IL10RA: variants seen among roughly 807,000 people sequenced by gnomAD.
IL10RA encodes the protein interleukin-10 receptor subunit alpha.
IL10RA carries 18 observed loss-of-function variants against 29.6 expected under a neutral mutation model. The observed-to-expected ratio is 0.61, with a 90% CI of 0.42 to 0.90. The LOEUF (loss-of-function observed/expected upper bound fraction) is 0.90, where lower values mean the gene tolerates loss of function less well. Among genes scored for constraint, IL10RA ranks in the 40% least tolerant of loss-of-function variants. The probability of loss-of-function intolerance (pLI) is 0.00; values close to 1 mark genes in which losing one functional copy is unlikely to be tolerated. For missense variants in IL10RA, 634 were observed against 716.6 expected (o/e 0.88, Z 1.32); for synonymous variants, 292 against 294.1 (o/e 0.99, Z 0.07).
At chr11:117,997,744 G>A (rs1409729009) in intron 6 of IL10RA, among the ~76,000 whole-genome samples, 7 of 152,234 alleles carry the variant, frequency 4.6e-5, no homozygotes, top group Middle Eastern at 3.4e-3. Context: ...GGTGAGAGAC[G>A]AAAACAAACA....
At position 118,000,018 on chromosome 11, in the gene IL10RA, C is replaced by T. The variant is rs1331644742; in HGVS notation, c.*377C>T. 1.1e-5 allele frequency: 5 copies of T among 469,948 alleles called. No homozygotes were observed. In the Admixed American group the frequency reaches 1.2e-4, roughly 11 times the overall value. 29.1% of individuals were successfully genotyped at this position (469,948 alleles called of 1,614,324 possible). ...TGTGGTGAGGCCACCAGGCTGAAGTCAGCTCAGACCCAGACCTCCCTGCTT... is the reference window on the plus strand; with the variant it reads ...TGTGGTGAGGCCACCAGGCTGAAGTTAGCTCAGACCCAGACCTCCCTGCTT... On this transcript the variant is annotated 3_prime_UTR_variant, in exon 7 of 7. Transcript: ENST00000227752.
In IL10RA at chr11:117,989,095, G is replaced by A. The variant is rs1293618228; in HGVS notation, c.189-347G>A. Among the ~76,000 whole-genome samples the A allele has an allele frequency of 6.6e-6, 1 of 152,230 alleles. No individual in the cohort carries two copies. Among genetic ancestry groups the A allele is most frequent in the Non-Finnish European group, 1.5e-5 (1 of 68,046 alleles). Reference sequence around the variant, plus strand: ...TTTCTATCTTACTGGAAAAGGAGAAGCATCCACAGTACAGCCAGACAACAG... The same window carrying A: ...TTTCTATCTTACTGGAAAAGGAGAAACATCCACAGTACAGCCAGACAACAG... On this transcript the variant is annotated intron_variant, in intron 2 of 6. Coordinates refer to ENST00000227752, the MANE Select transcript of IL10RA (RefSeq NM_001558.4). This position sits in a 1 kb window ranked among gnomAD's most constrained non-coding sequence, Gnocchi z 4.5.
chr11:117,988,586 C>T (rs907362730), intron 2 of IL10RA, 84 bp downstream of exon 2: 5 of 1,529,256 alleles, frequency 3.3e-6, no homozygotes, highest in African/African-American at 1.4e-5. Flanking sequence ...AGATACCTGC[C>T]TTGTTAATGA....
intron 1 of IL10RA, 36 bp from the exon 2 acceptor site, chr11:117,988,346 C>A: frequency 6.2e-7 from 1 of 1,613,648 alleles, no homozygotes. Flanking sequence ...TGCCTGCCCC[C>A]CCTCCCAGCT....
chr11:117,989,286 C>T lies in IL10RA; in HGVS notation c.189-156C>T. 1 of 742,684 alleles carries T rather than the reference C, an allele frequency of 1.3e-6. No individual in the cohort carries two copies. The highest frequency in any genetic ancestry group is 1.5e-5 in the South Asian group (1 of 68,574). 46.0% of individuals were successfully genotyped at this position (742,684 alleles called of 1,614,324 possible). On this transcript the variant is annotated intron_variant, in intron 2 of 6. Coordinates refer to ENST00000227752, the MANE Select transcript of IL10RA (RefSeq NM_001558.4). The surrounding 1 kb of genome is among the most constrained non-coding windows in gnomAD (Gnocchi z 4.5). ...GGGGTCCCAAGACCAAGGGAGACCC[C>T]TCACAATGAGCTGCCGTGGACTAGA...
At chr11:117,997,231 T>A (rs948981465) in intron 6 of IL10RA, among the ~76,000 whole-genome samples, 9 of 152,238 alleles carry the variant, frequency 5.9e-5, no homozygotes, top group African/African-American at 2.2e-4. Context: ...GTAATAATAC[T>A]TCTCTTACAG....
rs759939442 is a variant in IL10RA, at chr11:117,993,221, C to G, written c.368-20C>G. ...GCCCTCAAGTCTCATGGTATTCCCC[C>G]CCACCCCAACTCCATTTAGTGACTC... is the stretch of plus-strand genomic sequence containing the variant. On this transcript the variant is annotated intron_variant, in intron 3 of 6. Coordinates refer to ENST00000227752, the MANE Select transcript of IL10RA (RefSeq NM_001558.4). 2.9e-5 allele frequency: 46 copies of G among 1,612,604 alleles called. No homozygotes were observed. In the South Asian group the frequency reaches 4.5e-4, roughly 16 times the overall value.
chr11:117,996,160 A>G (rs1433711540), intron 6 of IL10RA, among the ~76,000 whole-genome samples: 1 of 152,182 alleles, frequency 6.6e-6, no homozygotes, highest in East Asian at 1.9e-4. Context: ...GCTATTAGCC[A>G]TGGGTGTTCC....
At chr11:117,994,881 A>G (rs2058046374) in intron 5 of IL10RA, 2 of 155,572 alleles carry the variant, frequency 1.3e-5, no homozygotes, top group Admixed American at 1.2e-4. Context: ...CAGTTTGTGA[A>G]GGACACTCAA....
intron 6 of IL10RA, 68 bp from the exon 7 acceptor site, chr11:117,998,647 C>A (rs917888760): frequency 2.8e-6 from 4 of 1,427,438 alleles, no homozygotes; most frequent in Non-Finnish European, 4.0e-6. Flanking sequence ...CCTGGCCTTC[C>A]CCGGCAGCAC....
chr11:117,996,423 T>G (rs1385590693), intron 6 of IL10RA, among the ~76,000 whole-genome samples: 1 of 152,220 alleles, frequency 6.6e-6, no homozygotes, highest in Non-Finnish European at 1.5e-5. Flanking sequence ...TTGCAAAGAT[T>G]GGGCAGCATT....
chr11:117,995,852 TTCA>T lies in IL10RA; in HGVS notation c.810+146_810+148del. On this transcript the variant is annotated intron_variant, in intron 6 of 6. Coordinates refer to ENST00000227752, the MANE Select transcript of IL10RA (RefSeq NM_001558.4). ...AGCCCTGATGTGATTGGGAGATACC[TTCA>T]TCAAGCGCTGTGGGGACAGAGGGAG... The T allele has an allele frequency of 3.4e-6, 3 of 886,674 alleles. No homozygotes were observed. In the Admixed American group the frequency reaches 6.0e-5, roughly 18 times the overall value. The allele number at this position is 886,674 out of a possible 1,614,324, so 54.9% of individuals were successfully genotyped here. A position where few individuals can be genotyped will look rare whatever the true frequency, so the allele number is the denominator to read the frequency against.
chr11:117,987,833 G>C, intron 1 of IL10RA: 1 of 190,840 alleles, frequency 5.2e-6, no homozygotes, highest in Admixed American at 5.4e-5. Flanking sequence ...CTGGCTATAG[G>C]CAAAGCCCTC....
At position 117,989,610 on chromosome 11, in the gene IL10RA, T is replaced by G. The variant is rs1227362297; in HGVS notation, c.357T>G (p.Ser119=). ...GGACCGTCACCAACACCCGCTTCTCTGTGGATGAAGGTGCTTTTCCTCCCT... is the reference window on the plus strand; with the variant it reads ...GGACCGTCACCAACACCCGCTTCTCGGTGGATGAAGGTGCTTTTCCTCCCT... ...SNWTVTNTRF[S]VDEVTLTVGS... is the part of the protein sequence containing the mutation. Residue 119 remains serine (S), a synonymous_variant, in exon 3 of 7, where the codon TCT becomes TCG. Transcript: ENST00000227752. The surrounding 1 kb of genome is among the most constrained non-coding windows in gnomAD (Gnocchi z 4.5). 1 of 1,613,910 alleles carries G rather than the reference T, an allele frequency of 6.2e-7. No homozygotes were observed. The highest frequency in any genetic ancestry group is 1.7e-5 in the Admixed American group (1 of 60,026).
chr11:117,995,824 C>A, intron 6 of IL10RA, 114 bp downstream of exon 6: 2 of 1,137,494 alleles, frequency 1.8e-6, no homozygotes, highest in Non-Finnish European at 2.6e-6. Flanking sequence ...TGCCTCTGCT[C>A]TCAGCCCTGA....
At position 117,986,906 on chromosome 11, in the gene IL10RA, T is replaced by G. The variant is rs2134979689; in HGVS notation, c.67+372T>G. The G allele has an allele frequency of 1.0e-5, 12 of 1,180,706 alleles. 2 individuals carry two copies. The South Asian group carries it at 1.5e-4, about 15-fold the overall frequency. The allele number at this position is 1,180,706 out of a possible 1,614,324, so 73.1% of individuals were successfully genotyped here. The stretch of plus-strand genomic sequence containing the variant: ...TAATTTTGATCTCCTGACTCTCCCT[T>G]CTCTTAGTCGACTCTTCAACTAACC... On this transcript the variant is annotated intron_variant, in intron 1 of 6. Coordinates refer to ENST00000227752, the MANE Select transcript of IL10RA (RefSeq NM_001558.4).
In IL10RA at chr11:117,989,641, T is replaced by G; in HGVS notation, c.367+21T>G. 6.2e-7 allele frequency: 1 copy of G among 1,611,664 alleles called. No homozygotes were observed. The highest frequency in any genetic ancestry group is 8.5e-7 in the Non-Finnish European group (1 of 1,179,008). ...TGAAGGTGCTTTTCCTCCCTTGACT[T>G]AGAACATGGCTCTGAAGTCCCTTCC... On this transcript the variant is annotated intron_variant, in intron 3 of 6. Coordinates refer to ENST00000227752, the MANE Select transcript of IL10RA (RefSeq NM_001558.4). The surrounding 1 kb of genome is among the most constrained non-coding windows in gnomAD (Gnocchi z 4.5).
At position 117,999,519 on chromosome 11, in the gene IL10RA, T is replaced by C. The variant is rs1279776753; in HGVS notation, c.1615T>C (p.Trp539Arg). 5 of 1,614,216 alleles carry C rather than the reference T, an allele frequency of 3.1e-6. No individual in the cohort carries two copies. Among genetic ancestry groups the C allele is most frequent in the Non-Finnish European group, 4.2e-6 (5 of 1,180,020 alleles). ...SSCSDLGISD[W>R]SFAHDLAPLG... Reference sequence around the variant, plus strand: ...CTGCAGTGACCTGGGAATATCTGACTGGAGCTTTGCCCATGACCTTGCCCC... The same window carrying C: ...CTGCAGTGACCTGGGAATATCTGACCGGAGCTTTGCCCATGACCTTGCCCC... The change falls in exon 7 of 7, where the codon TGG becomes CGG. Residue 539 changes from tryptophan (W) to arginine (R), a missense_variant. By Grantham distance (101) the Trp-to-Arg change is moderately radical. Transcript: ENST00000227752.
intron 5 of IL10RA, chr11:117,994,965 A>G (rs2058046696): frequency 6.2e-6 from 1 of 162,006 alleles, no homozygotes; most frequent in South Asian, 1.6e-4. Flanking sequence ...AGAGTTTTTC[A>G]TACATTCATT....
Sources: allele counts gnomAD v4.1 joint callset (sites outside exome capture counted in the v4.1 genomes callset), GRCh38; gene constraint gnomAD v4.1.1; non-coding constraint Gnocchi (gnomAD v3.1); transcripts MANE v1.5; gene names NCBI Gene and HGNC (gene_info 2026-07-23, HGNC 2026-07-21).